SLC24A4: variants seen among roughly 807,000 people sequenced by gnomAD.
SLC24A4 encodes sodium/potassium/calcium exchanger 4.
Under a neutral mutation model 79.0 loss-of-function variants are expected in SLC24A4, and 53 were observed. The observed-to-expected ratio is 0.67, with a 90% CI of 0.54 to 0.84. SLC24A4 has a LOEUF of 0.84. Among genes scored for constraint, SLC24A4 ranks in the 40% least tolerant of loss-of-function variants. SLC24A4 has a pLI of 0.00. For missense variants in SLC24A4, 731 were observed against 822.0 expected (o/e 0.89, Z 1.35); for synonymous variants, 323 against 323.8 (o/e 1.00, Z 0.03).
At chr14:92,444,058 A>T (rs1028786152) in intron 7 of SLC24A4, among the ~76,000 whole-genome samples, 1 of 151,998 alleles carries the variant, frequency 6.6e-6, no homozygotes, top group Non-Finnish European at 1.5e-5. Flanking sequence ...TGCAGCCCAC[A>T]TGCTAGGGAA....
intron 2 of SLC24A4, among the ~76,000 whole-genome samples, chr14:92,427,033 A>G (rs181692339): frequency 6.6e-6 from 1 of 152,362 alleles, no homozygotes; most frequent in African/African-American, 2.4e-5. Flanking sequence ...CATTCCCCAA[A>G]GAGAATTGAC....
intron 2 of SLC24A4, among the ~76,000 whole-genome samples, chr14:92,366,170 A>T (rs1011508164): frequency 6.6e-6 from 1 of 152,090 alleles, no homozygotes; most frequent in Non-Finnish European, 1.5e-5. Flanking sequence ...TTCCTGCTGG[A>T]TGTGCTGCCT....
At position 92,442,099 on chromosome 14, in the gene SLC24A4, T is replaced by G. The variant is rs768436202; in HGVS notation, c.404T>G (p.Leu135Arg). ...TCACTTCCGTTTCAGAGACTCCATC[T>G]GAGCGAAGATGTGGCTGGAGCCACC... ...SLEKICERLH[L>R]SEDVAGATFM... is the part of the protein sequence containing the mutation. The change falls in exon 5 of 17, where the codon CTG (leucine) becomes CGG (arginine). Residue 135 changes from leucine (L) to arginine (R), a missense_variant. Transcript: ENST00000532405. 3.7e-6 allele frequency: 6 copies of G among 1,613,886 alleles called. No homozygotes were observed. Among genetic ancestry groups the G allele is most frequent in the Non-Finnish European group, 5.1e-6 (6 of 1,179,822 alleles).
chr14:92,425,616 T>C (rs1339283059), intron 2 of SLC24A4, among the ~76,000 whole-genome samples: 1 of 152,242 alleles, frequency 6.6e-6, no homozygotes, highest in African/African-American at 2.4e-5. Context: ...GGCAATTCTG[T>C]TGTTAACTAG....
chr14:92,460,133 A>G (rs1431857469), intron 12 of SLC24A4, among the ~76,000 whole-genome samples: 1 of 152,128 alleles, frequency 6.6e-6, no homozygotes, highest in Admixed American at 6.5e-5. Flanking sequence ...GCCAATGTGC[A>G]GATATCGTGT....
intron 2 of SLC24A4, among the ~76,000 whole-genome samples, chr14:92,403,824 A>G (rs1890236154): frequency 6.6e-6 from 1 of 151,794 alleles, no homozygotes; most frequent in African/African-American, 2.4e-5. Flanking sequence ...CTCCTTGGGC[A>G]CTGCCCCTCC....
Position 92,323,497 on chromosome 14 carries a change from C to T in SLC24A4, c.-334C>T, listed in dbSNP as rs538395412. On this transcript the variant is annotated 5_prime_UTR_variant, in exon 1 of 17. Transcript: ENST00000532405. This position sits in a 1 kb window ranked among gnomAD's most constrained non-coding sequence, Gnocchi z 4.9. Reference sequence around the variant, plus strand: ...GGCGAGCCGGCCGAAGCGGAGCGGGCAGGTAGCGGCTCTAGCGCCGGGACT... The same window carrying T: ...GGCGAGCCGGCCGAAGCGGAGCGGGTAGGTAGCGGCTCTAGCGCCGGGACT... The T allele has an allele frequency of 5.8e-6, 1 of 172,966 alleles. No homozygotes were observed. The highest frequency in any genetic ancestry group is 2.4e-5 in the African/African-American group (1 of 42,348). 10.7% of individuals were successfully genotyped at this position (172,966 alleles called of 1,614,324 possible). A position where few individuals can be genotyped will look rare whatever the true frequency, so the allele number is the denominator to read the frequency against.
In SLC24A4 at chr14:92,495,721, T is replaced by C. The variant is rs908356366; in HGVS notation, c.*2093T>C. On this transcript the variant is annotated 3_prime_UTR_variant, in exon 17 of 17. Transcript: ENST00000532405. Reference sequence around the variant, plus strand: ...CAAGGGTCTCTAGTTCAATGGCCAGTCATAGCAGAAGGGAGGCCAAGCACC... The same window carrying C: ...CAAGGGTCTCTAGTTCAATGGCCAGCCATAGCAGAAGGGAGGCCAAGCACC... 2.0e-5 allele frequency: 3 copies of C among 152,306 alleles called. No homozygotes were observed. Among genetic ancestry groups the C allele is most frequent in the African/African-American group, 7.2e-5 (3 of 41,458 alleles). 9.4% of individuals were successfully genotyped at this position (152,306 alleles called of 1,614,324 possible).
At chr14:92,460,774 T>G (rs1290403279) in intron 12 of SLC24A4, among the ~76,000 whole-genome samples, 2 of 152,140 alleles carry the variant, frequency 1.3e-5, no homozygotes, top group Non-Finnish European at 2.9e-5. Context: ...ATACAGCTGA[T>G]AAGTGGGGAG....
rs1208410163 is a variant in SLC24A4 at position 92,496,492 on chromosome 14, C to G, written c.*2864C>G. 1 of 151,876 alleles carries G rather than the reference C, an allele frequency of 6.6e-6. No individual in the cohort carries two copies. The highest frequency in any genetic ancestry group is 1.5e-5 in the Non-Finnish European group (1 of 67,952). 9.4% of individuals were successfully genotyped at this position (151,876 alleles called of 1,614,324 possible). A position where few individuals can be genotyped will look rare whatever the true frequency, so the allele number is the denominator to read the frequency against. ...TGGGGGCAGAAAAGAAAAAAAAAAC[C>G]ATTGCACTCAGATGGAAAATGCCTA... On this transcript the variant is annotated 3_prime_UTR_variant, in exon 17 of 17. Coordinates refer to ENST00000532405, the MANE Select transcript of SLC24A4 (RefSeq NM_153646.4).
At chr14:92,361,894 G>T (rs1399945539) in intron 2 of SLC24A4, among the ~76,000 whole-genome samples, 1 of 152,180 alleles carries the variant, frequency 6.6e-6, no homozygotes, top group Non-Finnish European at 1.5e-5. Context: ...GACATCAGAG[G>T]AACGGAACCT....
At position 92,482,714 on chromosome 14, in the gene SLC24A4, C is replaced by T. The variant is rs1895126704; in HGVS notation, c.1290C>T (p.Thr430=). ...GGGACAAGGTCAAGTGGGTGTTCAC[C>T]TGGCCCCTCATCTTCCTCCTGTGCG... is the stretch of plus-strand genomic sequence containing the variant. ...ARGDKVKWVF[T]WPLIFLLCVT... is the part of the protein sequence containing the mutation. The change falls in exon 13 of 17, where the codon ACC becomes ACT. Residue 430 remains threonine, a synonymous_variant. Transcript: ENST00000532405. 1 of 1,614,090 alleles carries T rather than the reference C, an allele frequency of 6.2e-7. No homozygotes were observed. Among genetic ancestry groups the T allele is most frequent in the Non-Finnish European group, 8.5e-7 (1 of 1,179,954 alleles).
chr14:92,328,133 G>GC (rs1251619414), intron 2 of SLC24A4, among the ~76,000 whole-genome samples: 1 of 152,204 alleles, frequency 6.6e-6, no homozygotes, highest in Non-Finnish European at 1.5e-5. Flanking sequence ...GTACTGCACA[G>GC]CCCCCGGCTC....
rs1889262942 is a variant in SLC24A4 at position 92,388,032 on chromosome 14, C to A, written c.242-45880C>A. Among the ~76,000 whole-genome samples the A allele has an allele frequency of 2.0e-5, 3 of 152,332 alleles. No individual in the cohort carries two copies. The South Asian group carries it at 6.2e-4, about 32-fold the overall frequency. On this transcript the variant is annotated intron_variant, in intron 2 of 16. Transcript: ENST00000532405. ...AGTGTGCAGATGTCTGCTCAGGTCG[C>A]TGCTTGTGGTTCTTTGGGGCATATG...
intron 2 of SLC24A4, among the ~76,000 whole-genome samples, chr14:92,415,591 G>A (rs929752894): frequency 7.2e-5 from 11 of 152,018 alleles, no homozygotes; most frequent in African/African-American, 1.5e-4. Context: ...CAGAGTAGCT[G>A]GGATTGTAAG....
chr14:92,449,376 G>C (rs567079454), intron 10 of SLC24A4, among the ~76,000 whole-genome samples, 160 bp downstream of exon 10: 1 of 152,076 alleles, frequency 6.6e-6, no homozygotes, highest in East Asian at 1.9e-4. Flanking sequence ...TTGACCACAG[G>C]TGCCCTAAGA....
At chr14:92,387,378 T>C (rs1485093212) in intron 2 of SLC24A4, among the ~76,000 whole-genome samples, 2 of 151,994 alleles carry the variant, frequency 1.3e-5, no homozygotes, top group Non-Finnish European at 2.9e-5. Context: ...GGTTTTGCCA[T>C]GTTGACTAGG....
At chr14:92,472,594 G>T (rs537954291) in intron 12 of SLC24A4, among the ~76,000 whole-genome samples, 7 of 152,050 alleles carry the variant, frequency 4.6e-5, no homozygotes, top group Non-Finnish European at 1.0e-4. Flanking sequence ...CCTTTTTATA[G>T]CTGAGTAGTA....
chr14:92,360,215 C>T (rs780401802), intron 2 of SLC24A4, among the ~76,000 whole-genome samples: 7 of 152,226 alleles, frequency 4.6e-5, no homozygotes, highest in African/African-American at 1.4e-4. Context: ...AGCCACTGCG[C>T]CTAGCCTGTG....
Sources: allele counts gnomAD v4.1 joint callset (sites outside exome capture counted in the v4.1 genomes callset), GRCh38; gene constraint gnomAD v4.1.1; non-coding constraint Gnocchi (gnomAD v3.1); transcripts MANE v1.5; gene names NCBI Gene and HGNC (gene_info 2026-07-23, HGNC 2026-07-21).